ATF7IP: variants seen among roughly 807,000 people sequenced by gnomAD.
The protein encoded by ATF7IP is activating transcription factor 7-interacting protein 1.
ATF7IP carries 23 observed loss-of-function variants against 106.4 expected under a neutral mutation model. That is an observed-to-expected ratio of 0.22 (90% CI 0.16 to 0.31). The LOEUF (loss-of-function observed/expected upper bound fraction) is 0.31. Among genes scored for constraint, ATF7IP ranks in the 10% least tolerant of loss-of-function variants. ATF7IP has a pLI of 1.00. For missense variants in ATF7IP, 1,334 were observed against 1,524.3 expected, an observed-to-expected ratio of 0.88 and a Z score of 2.08; for synonymous variants, 542 against 539.0, an observed-to-expected ratio of 1.01 and a Z score of -0.08.
intron 1 of ATF7IP, among the ~76,000 whole-genome samples, chr12:14,401,870 T>C (rs1261069944): frequency 1.3e-5 from 2 of 151,610 alleles, no homozygotes; most frequent in African/African-American, 4.8e-5. Context: ...TCCACCACCA[T>C]GCCTGGCTAA....
chr12:14,379,757 C>G (rs546165186), intron 1 of ATF7IP, among the ~76,000 whole-genome samples: 1 of 152,082 alleles, frequency 6.6e-6, no homozygotes, highest in East Asian at 1.9e-4. Context: ...TATCTTCTTC[C>G]TACTATTATC....
chr12:14,431,918 T>C (rs925926964), intron 2 of ATF7IP, among the ~76,000 whole-genome samples: 1 of 152,192 alleles, frequency 6.6e-6, no homozygotes, highest in African/African-American at 2.4e-5. Flanking sequence ...ATTTTTTAAA[T>C]CCCAAGTTCT....
chr12:14,450,127 ACTT>A (rs1943140865), intron 6 of ATF7IP, among the ~76,000 whole-genome samples: 1 of 151,484 alleles, frequency 6.6e-6, no homozygotes, highest in African/African-American at 2.4e-5. Context: ...AGATATTTAT[ACTT>A]CTTTTTCTGA....
At chr12:14,493,793 C>CACA (rs2136867284) in intron 13 of ATF7IP, among the ~76,000 whole-genome samples, 2 of 152,198 alleles carry the variant, frequency 1.3e-5, no homozygotes, top group South Asian at 4.2e-4. Context: ...TCTGTTTTTC[C>CACA]ACAACTTCAG....
chr12:14,493,443 T>A (rs923772494), intron 13 of ATF7IP, among the ~76,000 whole-genome samples: 6 of 152,174 alleles, frequency 3.9e-5, no homozygotes, highest in Non-Finnish European at 7.4e-5. Flanking sequence ...AACATTGTCT[T>A]GCATGGCAAC....
At chr12:14,453,590 G>A (rs186135358) in intron 6 of ATF7IP, among the ~76,000 whole-genome samples, 1 of 149,206 alleles carries the variant, frequency 6.7e-6, no homozygotes, top group Admixed American at 6.7e-5. Context: ...TGATTTTGCT[G>A]TTTTCTGTCG....
At chr12:14,408,176 T>C (rs1940711587) in intron 1 of ATF7IP, among the ~76,000 whole-genome samples, 1 of 151,554 alleles carries the variant, frequency 6.6e-6, no homozygotes, top group Non-Finnish European at 1.5e-5. Context: ...TTCTTGAAAG[T>C]GGCCCATTTA....
At position 14,498,098 on chromosome 12, in the gene ATF7IP, C is replaced by T. The variant is rs1376017470; in HGVS notation, c.*25C>T. On this transcript the variant is annotated 3_prime_UTR_variant, in exon 15 of 15. Transcript: ENST00000261168. ...AACCTTGGAGCCTTTATATTTTCCT[C>T]TTTTAAAATTTCCACCTTTTGGTCT... 2.6e-6 allele frequency: 4 copies of T among 1,528,274 alleles called. No homozygotes were observed. The highest frequency in any genetic ancestry group is 1.4e-5 in the African/African-American group (1 of 72,026). 94.7% of individuals were successfully genotyped at this position (1,528,274 alleles called of 1,614,324 possible).
At chr12:14,482,732 A>G (rs774629158) in intron 13 of ATF7IP, 3 of 152,214 alleles carry the variant, frequency 2.0e-5, no homozygotes, top group African/African-American at 7.2e-5. Flanking sequence ...GTATCCTTCA[A>G]TCAAGTTGAC....
chr12:14,494,242 C>CA (rs1350176334), intron 13 of ATF7IP, among the ~76,000 whole-genome samples: 10 of 130,758 alleles, frequency 7.6e-5, no homozygotes, highest in African/African-American at 2.5e-4. Context: ...TTCCTGGTAC[C>CA]AAAATCTGAA....
rs201948277 is a variant in ATF7IP, at chr12:14,373,306, ATG to A, written c.-8+7481_-8+7482del. On this transcript the variant is annotated intron_variant, in intron 1 of 14. Transcript: ENST00000261168. ...CATTCCTGTTGTTTAAAGATGACAC[ATG>A]TTTTTTTCTCATGTAACCATACAAA... 2.5e-4 allele frequency among the ~76,000 whole-genome samples: 14 copies of A among 54,966 alleles called. No homozygotes were observed. The East Asian group carries it at 0.015, about 57-fold the overall frequency. 36.1% of individuals were successfully genotyped at this position (54,966 alleles called of 152,430 possible).
chr12:14,425,128 G>T lies in ATF7IP; in HGVS notation c.1213G>T (p.Asp405Tyr). The change falls in exon 2 of 15, where the codon GAT (aspartate) becomes TAT (tyrosine). Residue 405 changes from aspartate (D) to tyrosine (Y), a missense_variant. Coordinates refer to ENST00000261168, the MANE Select transcript of ATF7IP (RefSeq NM_018179.5). ...GEKNEDETSA[D>Y]LVETINENVI... ...AAAGAATGAAGATGAAACTTCTGCA[G>T]ATCTTGTAGAAACGATTAATGAAAA... The T allele has an allele frequency of 6.3e-7, 1 of 1,589,598 alleles. No homozygotes were observed. The highest frequency in any genetic ancestry group is 1.7e-4 in the Middle Eastern group (1 of 5,928).
chr12:14,418,285 T>C (rs1382912500), intron 1 of ATF7IP, among the ~76,000 whole-genome samples: 1 of 152,196 alleles, frequency 6.6e-6, no homozygotes, highest in African/African-American at 2.4e-5. Flanking sequence ...AAAAACATTA[T>C]TTTGACTCTC....
intron 10 of ATF7IP, among the ~76,000 whole-genome samples, chr12:14,471,705 C>T (rs989983113): frequency 6.6e-6 from 1 of 152,108 alleles, no homozygotes; most frequent in Admixed American, 6.6e-5. Context: ...AAGCCCCTTA[C>T]AAAACCATCA....
intron 1 of ATF7IP, among the ~76,000 whole-genome samples, chr12:14,371,820 T>G (rs924248305): frequency 2.6e-5 from 4 of 152,136 alleles, no homozygotes; most frequent in African/African-American, 9.6e-5. Context: ...TCTATTATAA[T>G]TTTTTCTTTT....
In ATF7IP at chr12:14,425,197, G is replaced by A. The variant is rs745348790; in HGVS notation, c.1282G>A (p.Asp428Asn). ...AAGTGAGAATATCTTAGAAAATACAGACTCTATGGAGACAGATGAAATCAT... is the reference window on the plus strand; with the variant it reads ...AAGTGAGAATATCTTAGAAAATACAAACTCTATGGAGACAGATGAAATCAT... Reference protein sequence around the residue: ...NKSENILENTDSMETDEIIPI... With the variant: ...NKSENILENTNSMETDEIIPI... Residue 428 changes from aspartate to asparagine, a missense_variant, in exon 2 of 15, where the codon GAC becomes AAC. Around this residue, in one of 10 missense-constraint regions of ATF7IP, gnomAD observed 438 missense variants for 405.3 expected, o/e 1.08. Coordinates refer to ENST00000261168, the MANE Select transcript of ATF7IP (RefSeq NM_018179.5). The A allele has an allele frequency of 1.9e-6, 3 of 1,596,088 alleles. No individual in the cohort carries two copies. The highest frequency in any genetic ancestry group is 2.3e-5 in the South Asian group (2 of 86,976).
At chr12:14,406,887 C>T (rs1334300257) in intron 1 of ATF7IP, among the ~76,000 whole-genome samples, 2 of 151,910 alleles carry the variant, frequency 1.3e-5, no homozygotes, top group South Asian at 2.1e-4. Context: ...CCACCATGCC[C>T]GGACAGTGTT....
chr12:14,406,845 G>A (rs1940618987), intron 1 of ATF7IP, among the ~76,000 whole-genome samples: 1 of 151,970 alleles, frequency 6.6e-6, no homozygotes, highest in South Asian at 2.1e-4. Context: ...ACCCACCTCA[G>A]CCTCCCAAAG....
intron 8 of ATF7IP, among the ~76,000 whole-genome samples, chr12:14,457,505 A>C: frequency 6.6e-6 from 1 of 151,924 alleles, no homozygotes; most frequent in Non-Finnish European, 1.5e-5. Context: ...AGGATTACCC[A>C]AACCCAGGAG....
Sources: allele counts gnomAD v4.1 joint callset (sites outside exome capture counted in the v4.1 genomes callset), GRCh38; gene constraint gnomAD v4.1.1; regional missense constraint gnomAD v4.1.1; transcripts MANE v1.5; gene names NCBI Gene and HGNC (gene_info 2026-07-23, HGNC 2026-07-21).